CNTNAP2: variants seen among roughly 807,000 people sequenced by gnomAD.
CNTNAP2 encodes contactin associated protein 2.
In CNTNAP2, 98 loss-of-function variants were observed where a neutral mutation model predicts 155.2. The ratio of observed to expected loss-of-function variants is 0.63; its 90% CI spans 0.54 to 0.75. CNTNAP2 has a LOEUF of 0.75. Among genes scored for constraint, CNTNAP2 ranks in the 30% least tolerant of loss-of-function variants. The pLI is 0.00. For missense variants in CNTNAP2, 1,727 were observed against 1,688.1 expected (o/e 1.02, Z -0.40); for synonymous variants, 651 against 631.2 (o/e 1.03, Z -0.47).
chr7:146,617,090 G>A (rs940558114), intron 1 of CNTNAP2, among the ~76,000 whole-genome samples: 3 of 152,148 alleles, frequency 2.0e-5, no homozygotes, highest in Non-Finnish European at 4.4e-5. Flanking sequence ...CGCGATCTCC[G>A]CTCGCTGCAA....
intron 13 of CNTNAP2, among the ~76,000 whole-genome samples, chr7:147,841,697 AT>A (rs1387764020): frequency 6.6e-6 from 1 of 152,228 alleles, no homozygotes; most frequent in African/African-American, 2.4e-5. Context: ...CCAAGTGGGA[AT>A]AATTCAAATT....
intron 8 of CNTNAP2, among the ~76,000 whole-genome samples, chr7:147,185,058 A>T (rs1047778941): frequency 6.6e-6 from 1 of 152,308 alleles, no homozygotes; most frequent in South Asian, 2.1e-4. Context: ...CCAGGAGGAC[A>T]TCTAAAATGG....
intron 10 of CNTNAP2, among the ~76,000 whole-genome samples, chr7:147,413,158 T>C (rs1797132400): frequency 6.6e-6 from 1 of 152,178 alleles, no homozygotes; most frequent in East Asian, 1.9e-4. Context: ...AAATAATGGC[T>C]TAGAGTCAAG....
intron 14 of CNTNAP2, among the ~76,000 whole-genome samples, chr7:147,917,155 T>C (rs112786586): frequency 0.012 from 1,841 of 152,320 alleles, 45 homozygotes; most frequent in African/African-American, 0.041. Flanking sequence ...ATCACTGGCT[T>C]CACATTAGAA....
At chr7:147,209,619 A>G (rs989473897) in intron 8 of CNTNAP2, among the ~76,000 whole-genome samples, 1 of 151,842 alleles carries the variant, frequency 6.6e-6, no homozygotes, top group African/African-American at 2.4e-5. Context: ...TTCCAGTACT[A>G]TATTATATAG....
intron 18 of CNTNAP2, among the ~76,000 whole-genome samples, chr7:148,209,796 C>T (rs560014844): frequency 6.6e-6 from 1 of 152,288 alleles, no homozygotes; most frequent in South Asian, 2.1e-4. Context: ...TGTGTAAAAA[C>T]CAAAATCCTC....
At chr7:146,562,432 C>T (rs147149885) in intron 1 of CNTNAP2, among the ~76,000 whole-genome samples, 2 of 152,136 alleles carry the variant, frequency 1.3e-5, no homozygotes, top group African/African-American at 2.4e-5. Context: ...AGAAAACATA[C>T]ATGTTAATTT....
At position 147,199,212 on chromosome 7, in the gene CNTNAP2, T is replaced by C. The variant is rs577330458; in HGVS notation, c.1348+66703T>C. 2.6e-5 allele frequency among the ~76,000 whole-genome samples: 4 copies of C among 152,230 alleles called. No homozygotes were observed. In the East Asian group the frequency reaches 7.7e-4, roughly 29 times the overall value. On this transcript the variant is annotated intron_variant, in intron 8 of 23. Transcript: ENST00000361727. ...ACTGAGCTCAGGTAATGCACCCGCCTTGGCCTCCCAAAGTGCTGGGATTAC... is the reference window on the plus strand; with the variant it reads ...ACTGAGCTCAGGTAATGCACCCGCCCTGGCCTCCCAAAGTGCTGGGATTAC...
At chr7:147,735,675 C>T (rs568524931) in intron 13 of CNTNAP2, among the ~76,000 whole-genome samples, 85 of 152,256 alleles carry the variant, frequency 5.6e-4, no homozygotes, top group African/African-American at 1.8e-3. Flanking sequence ...TTGTAGGTGT[C>T]GAAAGACTTG....
chr7:146,730,099 G>A (rs1320567794), intron 1 of CNTNAP2, among the ~76,000 whole-genome samples: 1 of 152,112 alleles, frequency 6.6e-6, no homozygotes, highest in Non-Finnish European at 1.5e-5. Context: ...TTTATCATCT[G>A]ATGATGTATA....
intron 15 of CNTNAP2, among the ~76,000 whole-genome samples, chr7:148,011,250 T>A (rs1802075677): frequency 6.6e-6 from 1 of 151,778 alleles, no homozygotes; most frequent in Non-Finnish European, 1.5e-5. Context: ...TATGTCCATT[T>A]ATTTTTATCA....
At chr7:147,655,967 C>T (rs1468189800) in intron 13 of CNTNAP2, among the ~76,000 whole-genome samples, 4 of 152,234 alleles carry the variant, frequency 2.6e-5, no homozygotes, top group Non-Finnish European at 4.4e-5. Flanking sequence ...TTAGCTGGAA[C>T]TTCTAGGTAA....
At chr7:147,976,102 C>G (rs1801422373) in intron 14 of CNTNAP2, among the ~76,000 whole-genome samples, 1 of 151,958 alleles carries the variant, frequency 6.6e-6, no homozygotes, top group Admixed American at 6.6e-5. Context: ...ATTTTTTCAT[C>G]TTTTTTAAAA....
chr7:146,639,357 T>A (rs1387311690), intron 1 of CNTNAP2, among the ~76,000 whole-genome samples: 4 of 152,150 alleles, frequency 2.6e-5, no homozygotes, highest in Non-Finnish European at 5.9e-5. Context: ...CCAATAACTT[T>A]CAAGGAACAC....
intron 8 of CNTNAP2, among the ~76,000 whole-genome samples, chr7:147,155,121 T>G (rs1476759387): frequency 6.6e-6 from 1 of 152,062 alleles, no homozygotes; most frequent in South Asian, 2.1e-4. Flanking sequence ...GTGAGAGTAT[T>G]TGGAGATAAG....
At chr7:146,279,705 T>C (rs1393470953) in intron 1 of CNTNAP2, among the ~76,000 whole-genome samples, 1 of 151,728 alleles carries the variant, frequency 6.6e-6, no homozygotes, top group African/African-American at 2.4e-5. Flanking sequence ...ACAGAAAAAA[T>C]ATAACTGTAG....
At chr7:147,067,512 T>C (rs1452017426) in intron 4 of CNTNAP2, among the ~76,000 whole-genome samples, 1 of 152,102 alleles carries the variant, frequency 6.6e-6, no homozygotes, top group Non-Finnish European at 1.5e-5. Context: ...TATTTTTTCA[T>C]AATTCTTTTT....
intron 1 of CNTNAP2, among the ~76,000 whole-genome samples, chr7:146,687,815 C>T (rs1025072188): frequency 6.6e-6 from 1 of 152,120 alleles, no homozygotes; most frequent in African/African-American, 2.4e-5. Context: ...TTTGCTTTTG[C>T]AAGATCTGTT....
chr7:147,124,011 C>T (rs1303435415), intron 6 of CNTNAP2, among the ~76,000 whole-genome samples: 3 of 152,154 alleles, frequency 2.0e-5, no homozygotes, highest in African/African-American at 7.2e-5. Context: ...CATTGCACTC[C>T]AGCTTGGGCA....
Sources: allele counts gnomAD v4.1 joint callset (sites outside exome capture counted in the v4.1 genomes callset), GRCh38; gene constraint gnomAD v4.1.1; transcripts MANE v1.5; gene names NCBI Gene and HGNC (gene_info 2026-07-23, HGNC 2026-07-21).